TIMP2: variants seen among roughly 807,000 people sequenced by gnomAD.
TIMP2 encodes TIMP metallopeptidase inhibitor 2, also known as metalloproteinase inhibitor 2.
TIMP2 carries 5 observed loss-of-function variants against 24.3 expected under a neutral mutation model. The observed-to-expected ratio is 0.21, with a 90% CI of 0.11 to 0.43. The LOEUF (loss-of-function observed/expected upper bound fraction) is 0.43, where lower values mean the gene tolerates loss of function less well. Among genes scored for constraint, TIMP2 ranks in the 20% least tolerant of loss-of-function variants. TIMP2 has a pLI of 1.00. For synonymous variants in TIMP2, 130 were observed against 123.2 expected (o/e 1.06, Z -0.37); for missense variants, 221 against 297.5 (o/e 0.74, Z 1.89).
chr17:78,897,577 C>T (rs552012147), intron 1 of TIMP2: 8 of 152,348 alleles, frequency 5.3e-5, no homozygotes, highest in Admixed American at 2.0e-4. Context: ...GTGATACTAG[C>T]CCGGTACACT....
chr17:78,866,850 C>G (rs1488789813), intron 3 of TIMP2, among the ~76,000 whole-genome samples: 2 of 152,102 alleles, frequency 1.3e-5, no homozygotes, highest in African/African-American at 4.8e-5. Context: ...GGGAAGTATA[C>G]CAGTGGCTGC....
At chr17:78,879,704 TG>T (rs2069761682) in intron 1 of TIMP2, among the ~76,000 whole-genome samples, 1 of 152,202 alleles carries the variant, frequency 6.6e-6, no homozygotes, top group South Asian at 2.1e-4. Context: ...TCCCTTCTGC[TG>T]TGAACACAAC....
intron 1 of TIMP2, among the ~76,000 whole-genome samples, chr17:78,911,291 C>A (rs554177634): frequency 6.6e-6 from 1 of 152,288 alleles, no homozygotes; most frequent in African/African-American, 2.4e-5. Context: ...GCCCCACACT[C>A]CTGCCTTTCT....
At chr17:78,916,390 C>G (rs1173244632) in intron 1 of TIMP2, among the ~76,000 whole-genome samples, 1 of 152,250 alleles carries the variant, frequency 6.6e-6, no homozygotes, top group African/African-American at 2.4e-5. Flanking sequence ...TTTCCACTGT[C>G]TGCTGAAGTT....
At chr17:78,916,785 C>T (rs1171176148) in intron 1 of TIMP2, among the ~76,000 whole-genome samples, 1 of 152,208 alleles carries the variant, frequency 6.6e-6, no homozygotes. Context: ...TCCACCTGGG[C>T]TCAAGCCTGG....
chr17:78,885,426 G>A (rs2069817246), intron 1 of TIMP2, among the ~76,000 whole-genome samples: 1 of 152,238 alleles, frequency 6.6e-6, no homozygotes, highest in Non-Finnish European at 1.5e-5. Flanking sequence ...CTGCTGGCAT[G>A]GCAGTGCTCT....
chr17:78,893,318 G>GGT (rs1308542448), intron 1 of TIMP2, among the ~76,000 whole-genome samples: 1 of 129,468 alleles, frequency 7.7e-6, no homozygotes, highest in Non-Finnish European at 1.6e-5. Context: ...TATGTGCAAG[G>GGT]GTGTGTGTGT....
intron 1 of TIMP2, chr17:78,901,162 G>T (rs1378627452): frequency 6.5e-6 from 1 of 152,978 alleles, no homozygotes; most frequent in African/African-American, 2.4e-5. Flanking sequence ...CGAGAGCTCG[G>T]CAGAGACACC....
At chr17:78,889,785 T>C (rs555939803) in intron 1 of TIMP2, among the ~76,000 whole-genome samples, 2 of 152,152 alleles carry the variant, frequency 1.3e-5, no homozygotes, top group Non-Finnish European at 2.9e-5. Context: ...CGGGTTCCTA[T>C]TTTTGTATAT....
At chr17:78,866,398 T>A (rs1014651452) in intron 3 of TIMP2, among the ~76,000 whole-genome samples, 1 of 152,138 alleles carries the variant, frequency 6.6e-6, no homozygotes, top group African/African-American at 2.4e-5. Context: ...TGATTTTTTT[T>A]TTCTTATTGT....
At chr17:78,871,449 C>CAAAA (rs749440079) in intron 2 of TIMP2, among the ~76,000 whole-genome samples, 2 of 122,580 alleles carry the variant, frequency 1.6e-5, no homozygotes, top group Admixed American at 9.3e-5. Context: ...AAGACTCCGT[C>CAAAA]AAAAAAAAAA....
intron 1 of TIMP2, chr17:78,901,867 T>C (rs2070098849): frequency 1.4e-6 from 1 of 699,064 alleles, no homozygotes; most frequent in African/African-American, 1.8e-5. Context: ...CAGGAAGCAC[T>C]GTCTCCAGGG....
intron 1 of TIMP2, among the ~76,000 whole-genome samples, chr17:78,917,251 C>CCAAAAAA (rs2070267270): frequency 1.3e-5 from 1 of 77,454 alleles, no homozygotes; most frequent in African/African-American, 5.6e-5. Flanking sequence ...GACTCCGTCT[C>CCAAAAAA]AAAAAAAAAA....
Position 78,891,818 on chromosome 17 carries a change from G to A in TIMP2, c.131-17899C>T. 6.4e-7 allele frequency: 1 copy of A among 1,550,928 alleles called. No individual in the cohort carries two copies. Among genetic ancestry groups the A allele is most frequent in the Non-Finnish European group, 8.7e-7 (1 of 1,147,060 alleles). On this transcript the variant is annotated intron_variant, in intron 1 of 4. Coordinates refer to ENST00000262768, the MANE Select transcript of TIMP2 (RefSeq NM_003255.5). The surrounding 1 kb of genome is among the most constrained non-coding windows in gnomAD (Gnocchi z 4.5). Reference sequence around the variant, plus strand: ...GCGGCCACCCCCAGACTTGGTCGAAGGTTCTGGCCTTCCCTTTCTCTTCTC... The same window carrying A: ...GCGGCCACCCCCAGACTTGGTCGAAAGTTCTGGCCTTCCCTTTCTCTTCTC...
intron 1 of TIMP2, among the ~76,000 whole-genome samples, chr17:78,902,236 T>C (rs894392176): frequency 6.6e-6 from 1 of 152,240 alleles, no homozygotes; most frequent in Admixed American, 6.5e-5. Context: ...CCTTCCCAAG[T>C]AGCTGGGACT....
rs376687229 is a variant in TIMP2 at position 78,881,365 on chromosome 17, G to A, written c.131-7446C>T. On this transcript the variant is annotated intron_variant, in intron 1 of 4. Coordinates refer to ENST00000262768, the MANE Select transcript of TIMP2 (RefSeq NM_003255.5). ...TCAACATGGGTCATTCCTGGGAGTC[G>A]GGTGGGGGCTTCACACATGTGCCAA... Among the ~76,000 whole-genome samples, 20 of 152,358 alleles carry A rather than the reference G, an allele frequency of 1.3e-4. 3 individuals carry two copies. The highest frequency in any genetic ancestry group is 3.9e-4 in the East Asian group (2 of 5,174).
Position 78,891,262 on chromosome 17 carries a change from C to A in TIMP2, c.131-17343G>T, listed in dbSNP as rs117542112. The A allele has an allele frequency of 3.0e-5, 46 of 1,550,482 alleles. No homozygotes were observed. The highest frequency in any genetic ancestry group is 4.0e-5 in the Non-Finnish European group (46 of 1,147,018). On this transcript the variant is annotated intron_variant, in intron 1 of 4. Coordinates refer to ENST00000262768, the MANE Select transcript of TIMP2 (RefSeq NM_003255.5). This position sits in a 1 kb window ranked among gnomAD's most constrained non-coding sequence, Gnocchi z 4.5. ...AGTCGGTCTTGGACGCTGCCTGCTG[C>A]GCCTCCTCCTCTGCTGGGCTCCTGG...
At chr17:78,866,110 A>G (rs1171540377) in intron 3 of TIMP2, among the ~76,000 whole-genome samples, 1 of 152,160 alleles carries the variant, frequency 6.6e-6, no homozygotes, top group Non-Finnish European at 1.5e-5. Flanking sequence ...CAAACGTAAT[A>G]AATGCCATAA....
At chr17:78,910,113 ATTTC>A (rs2070194665) in intron 1 of TIMP2, among the ~76,000 whole-genome samples, 2 of 151,990 alleles carry the variant, frequency 1.3e-5, no homozygotes, top group Admixed American at 6.6e-5. Flanking sequence ...CATCTCAAGC[ATTTC>A]TTTCTTTGTG....
Sources: gnomAD v4.1 joint callset for allele counts (sites outside exome capture counted in the v4.1 genomes callset) on GRCh38, gnomAD v4.1.1 for gene constraint, Gnocchi (gnomAD v3.1) non-coding constraint, MANE v1.5 for transcripts, NCBI Gene and HGNC (gene_info 2026-07-23, HGNC 2026-07-21) for gene names.